The following STAG1 variants were observed in gnomAD, a reference collection of about 807,000 sequenced individuals.
STAG1 encodes the protein STAG1 cohesin complex component.
In STAG1, 26 loss-of-function variants were observed where a neutral mutation model predicts 170.9. The observed-to-expected ratio is 0.15, with a 90% CI of 0.11 to 0.21. The LOEUF (loss-of-function observed/expected upper bound fraction) is 0.21. Among genes scored for constraint, STAG1 ranks in the 10% least tolerant of loss-of-function variants. The pLI is 1.00. For synonymous variants in STAG1, 514 were observed against 497.7 expected, an observed-to-expected ratio of 1.03 and a Z score of -0.44; for missense variants, 964 against 1,509.5, an observed-to-expected ratio of 0.64 and a Z score of 5.99.
intron 9 of STAG1, among the ~76,000 whole-genome samples, chr3:136,488,223 A>C (rs781405374): frequency 3.3e-5 from 5 of 152,210 alleles, no homozygotes; most frequent in Admixed American, 6.5e-5. Context: ...CCTGGGTTCA[A>C]GTGATTCTCC....
chr3:136,385,946 C>T (rs1264204980), intron 22 of STAG1, among the ~76,000 whole-genome samples: 1 of 152,218 alleles, frequency 6.6e-6, no homozygotes, highest in Non-Finnish European at 1.5e-5. Flanking sequence ...AAACAATCCT[C>T]CCGCCTCAGC....
At chr3:136,510,074 G>A (rs1002743012) in intron 7 of STAG1, among the ~76,000 whole-genome samples, 1 of 152,122 alleles carries the variant, frequency 6.6e-6, no homozygotes, top group Non-Finnish European at 1.5e-5. Flanking sequence ...CAGTGTTGCA[G>A]TTCCACAAAG....
At chr3:136,522,688 G>T (rs1576560094) in intron 6 of STAG1, among the ~76,000 whole-genome samples, 2 of 151,654 alleles carry the variant, frequency 1.3e-5, no homozygotes, top group Non-Finnish European at 2.9e-5. Flanking sequence ...TCATTTACAT[G>T]AGGTATATCT....
intron 15 of STAG1, among the ~76,000 whole-genome samples, chr3:136,440,990 AGCAG>A (rs1335958441): frequency 6.7e-6 from 1 of 150,234 alleles, no homozygotes; most frequent in African/African-American, 2.5e-5. Flanking sequence ...TCACCTAGTG[AGCAG>A]AGGGCCCTGT....
chr3:136,528,298 C>G (rs956484712), intron 6 of STAG1, among the ~76,000 whole-genome samples: 11 of 152,138 alleles, frequency 7.2e-5, no homozygotes, highest in African/African-American at 2.7e-4. Context: ...GACCCTCCCC[C>G]AGCCTTACTG....
At chr3:136,473,372 G>A (rs1195548926) in intron 11 of STAG1, among the ~76,000 whole-genome samples, 167 bp downstream of exon 11, 5 of 152,136 alleles carry the variant, frequency 3.3e-5, no homozygotes. Context: ...TTGGTCCACA[G>A]AAAAACTGTC....
At chr3:136,419,393 C>A (rs2087880297) in intron 20 of STAG1, among the ~76,000 whole-genome samples, 1 of 152,064 alleles carries the variant, frequency 6.6e-6, no homozygotes, top group Non-Finnish European at 1.5e-5. Flanking sequence ...ACCGGCATAT[C>A]TCATTACAAT....
rs200378260 is a variant in STAG1 at position 136,421,168 on chromosome 3, A to T, written c.2038-5T>A. 5.8e-5 allele frequency: 92 copies of T among 1,584,562 alleles called. No individual in the cohort carries two copies. In the South Asian group the frequency reaches 9.2e-4, roughly 16 times the overall value. ...ATCATCATCAGCTTCTTCTCCCTATAAAAAAAGGAAACATCACATCATTAC... is the reference window on the plus strand; with the variant it reads ...ATCATCATCAGCTTCTTCTCCCTATTAAAAAAGGAAACATCACATCATTAC... On this transcript the variant is annotated splice_polypyrimidine_tract_variant and splice_region_variant and intron_variant, in intron 19 of 33. Coordinates refer to ENST00000383202, the MANE Select transcript of STAG1 (RefSeq NM_005862.3).
At chr3:136,633,280 G>T (rs1940405729) in intron 1 of STAG1, among the ~76,000 whole-genome samples, 2 of 136,876 alleles carry the variant, frequency 1.5e-5, no homozygotes, top group Admixed American at 1.7e-4. Context: ...CATAACTAAA[G>T]TGCTGAAAGA....
chr3:136,627,201 G>A (rs1251725949), intron 2 of STAG1, among the ~76,000 whole-genome samples: 2 of 152,206 alleles, frequency 1.3e-5, no homozygotes, highest in African/African-American at 2.4e-5. Context: ...ACTGTTATGT[G>A]TTAGTATGTG....
chr3:136,747,271 CAA>C (rs767416797), intron 1 of STAG1, among the ~76,000 whole-genome samples: 36 of 98,280 alleles, frequency 3.7e-4, no homozygotes, highest in Admixed American at 6.4e-4. Flanking sequence ...AGACTCGTCC[CAA>C]AAAAAAAAAA....
intron 1 of STAG1, among the ~76,000 whole-genome samples, chr3:136,733,013 G>A (rs553693469): frequency 4.6e-5 from 7 of 151,538 alleles, no homozygotes; most frequent in East Asian, 1.9e-4. Context: ...CTTAGATTAC[G>A]ATATGTCTTT....
chr3:136,530,156 TAA>T (rs762894950), intron 6 of STAG1, among the ~76,000 whole-genome samples: 22 of 152,300 alleles, frequency 1.4e-4, no homozygotes, highest in Non-Finnish European at 2.4e-4. Flanking sequence ...TATATAATGA[TAA>T]AGAGATTAAT....
At chr3:136,607,395 ATTTGT>A (rs1295809959) in intron 3 of STAG1, among the ~76,000 whole-genome samples, 2 of 151,930 alleles carry the variant, frequency 1.3e-5, no homozygotes, top group African/African-American at 2.4e-5. Flanking sequence ...ATTCAATACT[ATTTGT>A]TTTGTTTTGT....
At chr3:136,340,399 G>A in intron 32 of STAG1, 92 bp downstream of exon 32, 1 of 806,060 alleles carries the variant, frequency 1.2e-6, no homozygotes, top group Non-Finnish European at 2.1e-6. Context: ...TGGGATTACA[G>A]GTGTGAGCCA....
At chr3:136,604,195 AG>A in intron 4 of STAG1, 113 bp downstream of exon 4, 1 of 913,856 alleles carries the variant, frequency 1.1e-6, no homozygotes, top group Non-Finnish European at 1.6e-6. Flanking sequence ...ATAAACTGAA[AG>A]GTTGCTTACA....
Position 136,702,447 on chromosome 3 carries a change from C to T in STAG1, c.-84+49748G>A, listed in dbSNP as rs891551294. Among the ~76,000 whole-genome samples the T allele has an allele frequency of 3.9e-5, 6 of 152,212 alleles. No individual in the cohort carries two copies. The South Asian group carries it at 6.2e-4, about 16-fold the overall frequency. ...TGTTACCCAGGCTGGAGTGCAATGG[C>T]GCGATCTCGGCTCACCGCAACCTCC... On this transcript the variant is annotated intron_variant, in intron 1 of 33. Coordinates refer to ENST00000383202, the MANE Select transcript of STAG1 (RefSeq NM_005862.3).
intron 22 of STAG1, among the ~76,000 whole-genome samples, chr3:136,397,092 A>G (rs1039887959): frequency 6.6e-6 from 1 of 152,198 alleles, no homozygotes; most frequent in African/African-American, 2.4e-5. Context: ...TGCATTACTC[A>G]TCTTTACTGG....
intron 10 of STAG1, 83 bp downstream of exon 10, chr3:136,477,206 T>C: frequency 4.2e-6 from 6 of 1,428,536 alleles, no homozygotes; most frequent in Non-Finnish European, 5.6e-6. Flanking sequence ...TCCTGAAAAA[T>C]CAACTACTGT....
Sources: allele counts gnomAD v4.1 joint callset (sites outside exome capture counted in the v4.1 genomes callset), GRCh38; gene constraint gnomAD v4.1.1; transcripts MANE v1.5; gene names NCBI Gene and HGNC (gene_info 2026-07-23, HGNC 2026-07-21).